The following MCTP2 variants were observed in gnomAD, a reference collection of about 807,000 sequenced individuals.
MCTP2 encodes multiple C2 and transmembrane domain-containing protein 2.
Under a neutral mutation model 111.6 loss-of-function variants are expected in MCTP2, and 132 were observed. The observed-to-expected ratio is 1.18, with a 90% CI of 1.03 to 1.37. The LOEUF is 1.37. MCTP2 is among the 40% of genes most tolerant of loss of function. MCTP2 has a pLI of 0.00. For synonymous variants in MCTP2, 395 were observed against 387.7 expected (o/e 1.02, Z -0.22); for missense variants, 1,183 against 1,067.9 (o/e 1.11, Z -1.50).
intron 19 of MCTP2, among the ~76,000 whole-genome samples, chr15:94,452,758 C>G (rs530940332): frequency 6.6e-6 from 1 of 152,178 alleles, no homozygotes; most frequent in Non-Finnish European, 1.5e-5. Context: ...AAAATATAAT[C>G]TTCTTGTAGC....
intron 1 of MCTP2, among the ~76,000 whole-genome samples, chr15:94,282,184 G>T (rs147293111): frequency 6.6e-6 from 1 of 152,166 alleles, no homozygotes; most frequent in African/African-American, 2.4e-5. Flanking sequence ...GAATGCCAGT[G>T]AGTGATAGGT....
At chr15:94,379,739 A>T (rs1225716784) in intron 12 of MCTP2, among the ~76,000 whole-genome samples, 1 of 146,686 alleles carries the variant, frequency 6.8e-6, no homozygotes, top group Non-Finnish European at 1.5e-5. Flanking sequence ...GTGTAATATA[A>T]TATATGATAT....
At chr15:94,244,047 T>C (rs1396971988) in intron 1 of MCTP2, among the ~76,000 whole-genome samples, 1 of 146,182 alleles carries the variant, frequency 6.8e-6, no homozygotes, top group Non-Finnish European at 1.5e-5. Context: ...ATTGCACACA[T>C]ATGTATACAC....
chr15:94,257,926 C>G (rs1175720349), intron 1 of MCTP2, among the ~76,000 whole-genome samples: 2 of 151,236 alleles, frequency 1.3e-5, no homozygotes, highest in African/African-American at 4.9e-5. Flanking sequence ...GCCGCCCAGG[C>G]TGGGGTGCAG....
chr15:94,452,264 A>G (rs2084509074), intron 19 of MCTP2, among the ~76,000 whole-genome samples: 2 of 152,228 alleles, frequency 1.3e-5, no homozygotes, highest in African/African-American at 4.8e-5. Flanking sequence ...TAAAATCAAT[A>G]GCATCTTGTT....
intron 2 of MCTP2, among the ~76,000 whole-genome samples, chr15:94,300,912 G>T (rs2075578829): frequency 6.6e-6 from 1 of 152,156 alleles, no homozygotes; most frequent in African/African-American, 2.4e-5. Context: ...CTGGATTGGA[G>T]GCACTGGGAG....
At chr15:94,339,206 T>A (rs2077512004) in intron 4 of MCTP2, 84 bp from the exon 5 acceptor site, 1 of 985,902 alleles carries the variant, frequency 1.0e-6, no homozygotes, top group Non-Finnish European at 1.5e-6. Context: ...GCCTGGGGAG[T>A]GGGGAAAGGA....
Position 94,483,513 on chromosome 15 carries a change from C to T in MCTP2, c.*4479C>T, listed in dbSNP as rs933913646. 3.9e-5 allele frequency: 6 copies of T among 152,174 alleles called. No homozygotes were observed. Among genetic ancestry groups the T allele is most frequent in the African/African-American group, 1.4e-4 (6 of 41,432 alleles). 9.4% of individuals were successfully genotyped at this position (152,174 alleles called of 1,614,324 possible). A position where few individuals can be genotyped will look rare whatever the true frequency, so the allele number is the denominator to read the frequency against. On this transcript the variant is annotated 3_prime_UTR_variant, in exon 23 of 23. Coordinates refer to ENST00000357742, the MANE Select transcript of MCTP2 (RefSeq NM_001385001.1). ...TGTGGTAGAGGTACACCATGGAATA[C>T]TATGCAGCCATAAAAAAGAATGAGA...
intron 1 of MCTP2, among the ~76,000 whole-genome samples, chr15:94,269,600 T>C (rs2073798192): frequency 6.6e-6 from 1 of 152,326 alleles, no homozygotes; most frequent in Admixed American, 6.5e-5. Flanking sequence ...TTTATCAGGC[T>C]CCCATATATG....
chr15:94,329,919 C>T lies in MCTP2; in HGVS notation c.638-9371C>T, dbSNP rs142702986. ...TAGGTCTCCAGACTCACTCATCTTACATAACTGCACCTCAGTGCCATTGAC... is the reference window on the plus strand; with the variant it reads ...TAGGTCTCCAGACTCACTCATCTTATATAACTGCACCTCAGTGCCATTGAC... On this transcript the variant is annotated intron_variant, in intron 4 of 22. Coordinates refer to ENST00000357742, the MANE Select transcript of MCTP2 (RefSeq NM_001385001.1). Among the ~76,000 whole-genome samples the T allele has an allele frequency of 2.1e-4, 32 of 152,308 alleles. No individual in the cohort carries two copies. In the East Asian group the frequency reaches 6.2e-3, roughly 29 times the overall value.
intron 10 of MCTP2, among the ~76,000 whole-genome samples, chr15:94,360,657 C>T (rs141151470): frequency 0.017 from 2,654 of 152,276 alleles, 35 homozygotes; most frequent in Non-Finnish European, 0.028. Context: ...GCTTCCTTCA[C>T]ATAATAGGAA....
intron 1 of MCTP2, among the ~76,000 whole-genome samples, chr15:94,286,425 T>G (rs2074757921): frequency 6.6e-6 from 1 of 152,132 alleles, no homozygotes; most frequent in Non-Finnish European, 1.5e-5. Flanking sequence ...ATCTTGATGG[T>G]TAATTAAAAA....
At chr15:94,314,120 T>A (rs1315785216) in intron 2 of MCTP2, among the ~76,000 whole-genome samples, 162 bp from the exon 3 acceptor site, 1 of 152,236 alleles carries the variant, frequency 6.6e-6, no homozygotes, top group Admixed American at 6.5e-5. Context: ...ATGACACCTC[T>A]GCATCCACGT....
intron 14 of MCTP2, among the ~76,000 whole-genome samples, chr15:94,388,189 T>C (rs1991897): frequency 0.32 from 48,918 of 152,096 alleles, 8,881 homozygotes; most frequent in East Asian, 0.81. Context: ...AATATAAAAG[T>C]GCTGTGTACA....
chr15:94,340,154 G>A (rs772239698), intron 5 of MCTP2, 45 bp from the exon 6 acceptor site: 1 of 1,324,344 alleles, frequency 7.6e-7, no homozygotes. Context: ...AAACTCAGTT[G>A]GTTTACCATA....
chr15:94,271,280 T>A (rs2073894904), intron 1 of MCTP2, among the ~76,000 whole-genome samples: 1 of 152,184 alleles, frequency 6.6e-6, no homozygotes. Context: ...TGTCCAAAAA[T>A]TGGATTTCTC....
rs536628449 is a variant in MCTP2, at chr15:94,267,432, A to T, written c.-65-30769A>T. ...TGGTGAGTAGTATTCCATTATATGG[A>T]CACATCATATTTAAAAAAAATCCAT... is the stretch of plus-strand genomic sequence containing the variant. On this transcript the variant is annotated intron_variant, in intron 1 of 22. Coordinates refer to ENST00000357742, the MANE Select transcript of MCTP2 (RefSeq NM_001385001.1). 2.0e-5 allele frequency among the ~76,000 whole-genome samples: 3 copies of T among 152,280 alleles called. No individual in the cohort carries two copies. The South Asian group carries it at 6.2e-4, about 32-fold the overall frequency.
intron 10 of MCTP2, among the ~76,000 whole-genome samples, chr15:94,366,178 G>A (rs779401548): frequency 2.6e-5 from 4 of 152,186 alleles, no homozygotes; most frequent in South Asian, 2.1e-4. Context: ...AACTTTAAAA[G>A]CTTCCCTATT....
intron 17 of MCTP2, among the ~76,000 whole-genome samples, chr15:94,431,997 T>C (rs1028691754): frequency 1.3e-5 from 2 of 152,226 alleles, no homozygotes; most frequent in Non-Finnish European, 2.9e-5. Context: ...AAAAGAGATT[T>C]AGAATCTTCT....
Sources: allele counts gnomAD v4.1 joint callset (sites outside exome capture counted in the v4.1 genomes callset), GRCh38; gene constraint gnomAD v4.1.1; transcripts MANE v1.5; gene names NCBI Gene and HGNC (gene_info 2026-07-23, HGNC 2026-07-21).